Variants in MMP26 observed in about 807,000 individuals in gnomAD.
MMP26 encodes the protein matrix metallopeptidase 26.
MMP26 carries 33 observed loss-of-function variants against 31.0 expected under a neutral mutation model. That is an observed-to-expected ratio of 1.06 (90% CI 0.81 to 1.42). The LOEUF (loss-of-function observed/expected upper bound fraction) is 1.42, where lower values mean the gene tolerates loss of function less well. Ranked by LOEUF, MMP26 falls within the 40% of genes most tolerant of loss-of-function variation. The probability of loss-of-function intolerance (pLI) is 0.00; values close to 1 mark genes in which losing one functional copy is unlikely to be tolerated. For synonymous variants in MMP26, 122 were observed against 114.9 expected (o/e 1.06, Z -0.40); for missense variants, 347 against 316.1 (o/e 1.10, Z -0.74).
chr11:4,819,566 A>ATTTTTTTTTTTTTTT lies in MMP26; in HGVS notation c.-145+52241_-145+52255dup, dbSNP rs71050433. On this transcript the variant is annotated intron_variant, in intron 2 of 7. Coordinates refer to ENST00000380390, the MANE Select transcript of MMP26 (RefSeq NM_021801.5). ...GATGGTCACTGAAATGAGTCGACTG[A>ATTTTTTTTTTTTTTT]TTTTTTTTTTTTTTTTTTTTTTTTT... 7.0e-4 allele frequency among the ~76,000 whole-genome samples: 35 copies of ATTTTTTTTTTTTTTT among 50,302 alleles called. 4 individuals carry two copies. Among genetic ancestry groups the ATTTTTTTTTTTTTTT allele is most frequent in the Non-Finnish European group, 7.9e-4 (24 of 30,262 alleles). 33.0% of individuals were successfully genotyped at this position (50,302 alleles called of 152,430 possible). A position where few individuals can be genotyped will look rare whatever the true frequency, so the allele number is the denominator to read the frequency against.
chr11:4,944,682 G>A (rs775746041), intron 2 of MMP26: 3 of 152,008 alleles, frequency 2.0e-5, no homozygotes, highest in Non-Finnish European at 2.9e-5. Context: ...AATGATTTTC[G>A]CAATATGCAA....
intron 2 of MMP26, among the ~76,000 whole-genome samples, chr11:4,942,089 C>CAAAAAAAAAGAAAAAAAAAAA (rs1846216810): frequency 2.7e-5 from 1 of 37,122 alleles, no homozygotes. Flanking sequence ...GAGTCCATCT[C>CAAAAAAAAAGAAAAAAAAAAA]AAAAAAAAAA....
At chr11:4,800,131 G>A (rs1398408773) in intron 2 of MMP26, among the ~76,000 whole-genome samples, 6 of 152,222 alleles carry the variant, frequency 3.9e-5, no homozygotes, top group African/African-American at 9.6e-5. Flanking sequence ...AGTGGAGACT[G>A]TGTGGACACT....
At chr11:4,984,816 T>A (rs1274138644) in intron 2 of MMP26, among the ~76,000 whole-genome samples, 1 of 152,238 alleles carries the variant, frequency 6.6e-6, no homozygotes, top group Non-Finnish European at 1.5e-5. Flanking sequence ...CAAGAATACA[T>A]CAGAGTGATT....
chr11:4,957,704 A>G (rs1421156740), intron 2 of MMP26, among the ~76,000 whole-genome samples: 2 of 149,990 alleles, frequency 1.3e-5, no homozygotes, highest in Non-Finnish European at 3.0e-5. Flanking sequence ...TTTTTTGGAG[A>G]TAGAGTCTCA....
At chr11:4,877,294 A>G (rs1041712896) in intron 2 of MMP26, 1 of 152,190 alleles carries the variant, frequency 6.6e-6, no homozygotes, top group Non-Finnish European at 1.5e-5. Flanking sequence ...TGTCTCTCTC[A>G]TATCTGCAGT....
intron 2 of MMP26, chr11:4,804,347 GA>G (rs1212657746): frequency 6.2e-7 from 1 of 1,614,032 alleles, no homozygotes; most frequent in Non-Finnish European, 8.5e-7. Context: ...AAGGACACAG[GA>G]TGAGAAGAGC....
At chr11:4,910,843 A>C (rs566070625) in intron 2 of MMP26, among the ~76,000 whole-genome samples, 134 of 151,666 alleles carry the variant, frequency 8.8e-4, no homozygotes, top group African/African-American at 2.3e-3. Flanking sequence ...TAAAAAAAAA[A>C]CTGCTCATTA....
At chr11:4,736,437 A>G (rs1235868220) in intron 1 of MMP26, 1 of 152,204 alleles carries the variant, frequency 6.6e-6, no homozygotes, top group Non-Finnish European at 1.5e-5. Context: ...GGTCTTAATA[A>G]TCAGGATATA....
chr11:4,991,857 C>T (rs1847008756), intron 6 of MMP26, 107 bp from the exon 7 acceptor site: 23 of 1,061,926 alleles, frequency 2.2e-5, no homozygotes, highest in Non-Finnish European at 2.7e-5. Context: ...TAACATTTGC[C>T]CTTTCCTCGT....
chr11:4,987,275 T>C (rs370134965), intron 2 of MMP26, among the ~76,000 whole-genome samples: 28 of 152,156 alleles, frequency 1.8e-4, no homozygotes, highest in African/African-American at 5.8e-4. Context: ...TGTACATCTA[T>C]AGACGTGTGC....
intron 2 of MMP26, chr11:4,907,441 C>T (rs747337329): frequency 1.2e-6 from 2 of 1,614,008 alleles, no homozygotes; most frequent in Non-Finnish European, 1.7e-6. Context: ...AACATGCCCA[C>T]ATTTGGTTCT....
chr11:4,793,420 T>G (rs1184768870), intron 2 of MMP26, among the ~76,000 whole-genome samples: 1 of 152,204 alleles, frequency 6.6e-6, no homozygotes, highest in Non-Finnish European at 1.5e-5. Context: ...CAATGAATTT[T>G]GCTTGCTCTA....
At chr11:4,877,489 G>A (rs1850399330) in intron 2 of MMP26, 1 of 152,198 alleles carries the variant, frequency 6.6e-6, no homozygotes, top group South Asian at 2.1e-4. Context: ...CTTTTGTGGG[G>A]CTAGGGTTAG....
chr11:4,888,399 T>C (rs1461472876), intron 2 of MMP26, among the ~76,000 whole-genome samples: 2 of 152,136 alleles, frequency 1.3e-5, no homozygotes, highest in Admixed American at 6.6e-5. Flanking sequence ...TTTATGCTAG[T>C]TTAACATTAT....
chr11:4,977,474 G>A (rs1489357666), intron 2 of MMP26, among the ~76,000 whole-genome samples: 1 of 152,050 alleles, frequency 6.6e-6, no homozygotes, highest in Admixed American at 6.6e-5. Context: ...TTTGGATAAA[G>A]TGGTTCCATT....
intron 2 of MMP26, among the ~76,000 whole-genome samples, chr11:4,820,418 CTG>C (rs1268134089): frequency 6.6e-6 from 1 of 152,040 alleles, no homozygotes; most frequent in Non-Finnish European, 1.5e-5. Context: ...TGATACTAGT[CTG>C]TGGTATTATT....
intron 2 of MMP26, among the ~76,000 whole-genome samples, chr11:4,792,370 C>T (rs957809463): frequency 2.6e-5 from 4 of 152,114 alleles, no homozygotes; most frequent in Admixed American, 2.0e-4. Context: ...CACCCTATCG[C>T]CCTCCCTCCA....
intron 2 of MMP26, chr11:4,907,594 C>G: frequency 6.2e-7 from 1 of 1,613,970 alleles, no homozygotes; most frequent in Non-Finnish European, 8.5e-7. Context: ...GCCTGTCCCT[C>G]TCCTCCCTTC....
Sources: gnomAD v4.1 joint callset for allele counts (sites outside exome capture counted in the v4.1 genomes callset) on GRCh38, gnomAD v4.1.1 for gene constraint, MANE v1.5 for transcripts, NCBI Gene and HGNC (gene_info 2026-07-23, HGNC 2026-07-21) for gene names.